Variants in ERC1 observed in about 807,000 individuals in gnomAD.
The protein encoded by ERC1 is ELKS/RAB6-interacting/CAST family member 1, also known as RAB6 interacting protein 2.
A neutral mutation model predicts 132.0 loss-of-function variants in ERC1; 56 were observed. That is an observed-to-expected ratio of 0.42 (90% CI 0.34 to 0.53). ERC1 has a LOEUF of 0.53. Among genes scored for constraint, ERC1 ranks in the 20% least tolerant of loss-of-function variants. The probability of loss-of-function intolerance (pLI) is 0.03; values close to 1 mark genes in which losing one functional copy is unlikely to be tolerated. For synonymous variants in ERC1, 478 were observed against 476.1 expected, an observed-to-expected ratio of 1.00 and a Z score of -0.05; for missense variants, 1,202 against 1,349.9, an observed-to-expected ratio of 0.89 and a Z score of 1.72.
chr12:1,374,538 A>G (rs2087639278), intron 16 of ERC1, among the ~76,000 whole-genome samples: 1 of 152,206 alleles, frequency 6.6e-6, no homozygotes, highest in Non-Finnish European at 1.5e-5. Context: ...GGTGCCAGCC[A>G]GTGTGTTCAG....
chr12:1,288,393 G>T (rs934468199), intron 14 of ERC1, among the ~76,000 whole-genome samples: 1 of 152,150 alleles, frequency 6.6e-6, no homozygotes, highest in African/African-American at 2.4e-5. Flanking sequence ...GAGATTACAG[G>T]CACGAGCCAC....
chr12:1,037,867 AC>A, intron 2 of ERC1, among the ~76,000 whole-genome samples: 1 of 151,832 alleles, frequency 6.6e-6, no homozygotes, highest in Non-Finnish European at 1.5e-5. Flanking sequence ...ACATGGTGAA[AC>A]CCTGTCTCTA....
intron 2 of ERC1, among the ~76,000 whole-genome samples, chr12:1,051,242 A>G (rs1398358784): frequency 2.0e-5 from 3 of 152,202 alleles, no homozygotes; most frequent in East Asian, 1.9e-4. Context: ...GTGGGCTACA[A>G]CCTGGACATC....
chr12:1,436,998 T>C (rs1373261269), intron 17 of ERC1, among the ~76,000 whole-genome samples: 1 of 151,540 alleles, frequency 6.6e-6, no homozygotes, highest in East Asian at 1.9e-4. Flanking sequence ...GTACTTATAC[T>C]TAACTCTTCC....
intron 7 of ERC1, among the ~76,000 whole-genome samples, chr12:1,117,343 A>G (rs977213195): frequency 9.2e-5 from 14 of 152,186 alleles, no homozygotes; most frequent in African/African-American, 3.1e-4. Flanking sequence ...TATCTGTACA[A>G]TTTGGGGCTT....
intron 17 of ERC1, among the ~76,000 whole-genome samples, chr12:1,427,094 C>A (rs1313003340): frequency 1.3e-5 from 2 of 152,108 alleles, no homozygotes; most frequent in African/African-American, 4.8e-5. Context: ...TTCATCTGCT[C>A]TTTGTGTTCT....
chr12:1,320,802 C>T (rs1299611030), intron 15 of ERC1, among the ~76,000 whole-genome samples: 5 of 152,062 alleles, frequency 3.3e-5, no homozygotes, highest in Non-Finnish European at 5.9e-5. Flanking sequence ...CCCGGGTTCA[C>T]GTCATTCTCC....
chr12:1,285,018 T>C (rs541567017), intron 14 of ERC1, among the ~76,000 whole-genome samples: 2 of 152,364 alleles, frequency 1.3e-5, no homozygotes, highest in Non-Finnish European at 2.9e-5. Context: ...ATGTCTTCTT[T>C]TGAGAAATGT....
chr12:1,486,118 T>G (rs2094211329), intron 18 of ERC1, among the ~76,000 whole-genome samples: 1 of 152,240 alleles, frequency 6.6e-6, no homozygotes. Context: ...ATGTTTTGTT[T>G]GGTAAAGCAA....
rs190917491 is a variant in ERC1 at position 1,058,973 on chromosome 12, G to A, written c.670-24191G>A. ...AGCATTCTTCCTATCCATGAACATGGGATGTCTTTCCAATTTTTTTTGTGT... is the reference window on the plus strand; with the variant it reads ...AGCATTCTTCCTATCCATGAACATGAGATGTCTTTCCAATTTTTTTTGTGT... On this transcript the variant is annotated intron_variant, in intron 2 of 18. Coordinates refer to ENST00000360905, the MANE Select transcript of ERC1 (RefSeq NM_178040.4). 3.3e-5 allele frequency among the ~76,000 whole-genome samples: 5 copies of A among 151,556 alleles called. No homozygotes were observed. The East Asian group carries it at 9.7e-4, about 29-fold the overall frequency.
Position 1,304,880 on chromosome 12 carries a change from C to T in ERC1, c.2780+14868C>T, listed in dbSNP as rs999309866. Among the ~76,000 whole-genome samples, 11 of 148,112 alleles carry T rather than the reference C, an allele frequency of 7.4e-5. No homozygotes were observed. In the East Asian group the frequency reaches 2.0e-3, roughly 27 times the overall value. ...TCTCGGCTCACTGCAAGCTCCGCCT[C>T]CCGGGTTGACGCCATTCTCCTACCT... is the stretch of plus-strand genomic sequence containing the variant. On this transcript the variant is annotated intron_variant, in intron 15 of 18. Coordinates refer to ENST00000360905, the MANE Select transcript of ERC1 (RefSeq NM_178040.4).
intron 17 of ERC1, among the ~76,000 whole-genome samples, chr12:1,428,671 A>G (rs1315523122): frequency 6.6e-6 from 1 of 152,186 alleles, no homozygotes; most frequent in East Asian, 1.9e-4. Context: ...CTGAAATATT[A>G]AACAGCAGAC....
At chr12:1,448,691 C>T (rs1251810690) in intron 18 of ERC1, among the ~76,000 whole-genome samples, 1 of 152,272 alleles carries the variant, frequency 6.6e-6, no homozygotes, top group Non-Finnish European at 1.5e-5. Flanking sequence ...CTGCCACCAA[C>T]ACCACCGCCA....
rs957339659 is a variant in ERC1 at position 1,248,639 on chromosome 12, G to T, written c.2487+11735G>T. 2.0e-5 allele frequency among the ~76,000 whole-genome samples: 3 copies of T among 152,164 alleles called. No homozygotes were observed. The East Asian group carries it at 5.8e-4, about 29-fold the overall frequency. On this transcript the variant is annotated intron_variant, in intron 13 of 18. Transcript: ENST00000360905. ...TTTTACAAGTAGTGAAACAGTCTAC[G>T]TGAAAAGTTGACAGGATCTGATTCG...
intron 2 of ERC1, among the ~76,000 whole-genome samples, chr12:1,073,619 A>T (rs140733015): frequency 0.05 from 7,632 of 151,354 alleles, 274 homozygotes; most frequent in African/African-American, 0.097. Context: ...ACTGCATTCC[A>T]GCCTGGGCGA....
At chr12:1,026,919 G>A (rs1565809479) in intron 1 of ERC1, among the ~76,000 whole-genome samples, 1 of 152,216 alleles carries the variant, frequency 6.6e-6, no homozygotes. Context: ...GTGAAAGGAA[G>A]GGATCTATAG....
chr12:1,055,243 G>A (rs533498252), intron 2 of ERC1, among the ~76,000 whole-genome samples: 6 of 151,888 alleles, frequency 4.0e-5, no homozygotes, highest in South Asian at 2.1e-4. Flanking sequence ...GCAGTGGCGC[G>A]ATCTCTGTTC....
intron 7 of ERC1, among the ~76,000 whole-genome samples, chr12:1,124,069 T>TG (rs780878775): frequency 2.6e-5 from 4 of 152,222 alleles, no homozygotes; most frequent in Non-Finnish European, 5.9e-5. Flanking sequence ...GATGTGCTCC[T>TG]GTCAGAATTT....
intron 18 of ERC1, among the ~76,000 whole-genome samples, chr12:1,464,625 T>C (rs1030771154): frequency 6.8e-6 from 1 of 147,210 alleles, no homozygotes; most frequent in African/African-American, 2.5e-5. Context: ...GTTCAAGCAA[T>C]TCTCCTGCCC....
Sources: gnomAD v4.1 joint callset for allele counts (sites outside exome capture counted in the v4.1 genomes callset) on GRCh38, gnomAD v4.1.1 for gene constraint, MANE v1.5 for transcripts, NCBI Gene and HGNC (gene_info 2026-07-23, HGNC 2026-07-21) for gene names.